KCNIP4: variants seen among roughly 807,000 people sequenced by gnomAD.
KCNIP4 encodes Kv channel-interacting protein 4.
KCNIP4 carries 12 observed loss-of-function variants against 34.0 expected under a neutral mutation model. That is an observed-to-expected ratio of 0.35 (90% CI 0.23 to 0.57). The LOEUF is 0.57. Among genes scored for constraint, KCNIP4 ranks in the 20% least tolerant of loss-of-function variants. The pLI is 0.83. For synonymous variants in KCNIP4, 124 were observed against 102.2 expected (o/e 1.21, Z -1.29); for missense variants, 238 against 311.7 (o/e 0.76, Z 1.78).
intron 1 of KCNIP4, among the ~76,000 whole-genome samples, chr4:21,203,618 C>G (rs1408339995): frequency 6.6e-6 from 1 of 152,164 alleles, no homozygotes; most frequent in Non-Finnish European, 1.5e-5. Flanking sequence ...AAGGAATTGC[C>G]CTGTTCTTGC....
intron 1 of KCNIP4, chr4:21,656,542 T>G (rs1747955091): frequency 6.6e-6 from 1 of 152,242 alleles, no homozygotes; most frequent in Non-Finnish European, 1.5e-5. Context: ...CTGTAGATTT[T>G]TGAAAGTGGT....
chr4:21,329,311 AC>A (rs1445429266), intron 1 of KCNIP4, among the ~76,000 whole-genome samples: 1 of 152,214 alleles, frequency 6.6e-6, no homozygotes, highest in Non-Finnish European at 1.5e-5. Flanking sequence ...CAGTTTCCAT[AC>A]TTATTGAACT....
At chr4:21,237,912 C>G (rs1205661115) in intron 1 of KCNIP4, among the ~76,000 whole-genome samples, 1 of 152,106 alleles carries the variant, frequency 6.6e-6, no homozygotes, top group Admixed American at 6.5e-5. Context: ...CAAAGCCTGG[C>G]AGAGATACAA....
At chr4:21,434,666 C>T (rs1235316711) in intron 1 of KCNIP4, among the ~76,000 whole-genome samples, 1 of 151,864 alleles carries the variant, frequency 6.6e-6, no homozygotes, top group South Asian at 2.1e-4. Flanking sequence ...CTGTGCCATG[C>T]CGGGGATCTA....
At chr4:21,256,726 G>A (rs1029932457) in intron 1 of KCNIP4, among the ~76,000 whole-genome samples, 1 of 152,206 alleles carries the variant, frequency 6.6e-6, no homozygotes, top group Non-Finnish European at 1.5e-5. Flanking sequence ...GGAGAATGTG[G>A]TAATCCAACA....
intron 1 of KCNIP4, chr4:21,697,390 G>A: frequency 6.4e-7 from 1 of 1,556,222 alleles, no homozygotes; most frequent in Non-Finnish European, 8.6e-7. Context: ...GAAGGTACTG[G>A]GCAAATTTCA....
At chr4:21,633,328 A>C (rs1221940377) in intron 1 of KCNIP4, among the ~76,000 whole-genome samples, 1 of 152,114 alleles carries the variant, frequency 6.6e-6, no homozygotes, top group Non-Finnish European at 1.5e-5. Context: ...CCAGTCTTCA[A>C]TTCCATTGGA....
intron 1 of KCNIP4, among the ~76,000 whole-genome samples, chr4:21,419,114 T>A (rs1329081636): frequency 6.6e-6 from 1 of 152,220 alleles, no homozygotes; most frequent in East Asian, 1.9e-4. Flanking sequence ...TGCATCCTTC[T>A]GCTGCAGTTG....
chr4:20,867,351 A>T (rs1228783971), intron 2 of KCNIP4, among the ~76,000 whole-genome samples: 3 of 152,138 alleles, frequency 2.0e-5, no homozygotes, highest in African/African-American at 7.2e-5. Context: ...AACAGAATAG[A>T]AAACCCAGAA....
At position 20,734,705 on chromosome 4, in the gene KCNIP4, G is replaced by T; in HGVS notation, c.460C>A (p.Arg154=). The T allele has an allele frequency of 1.3e-6, 2 of 1,586,416 alleles. No individual in the cohort carries two copies. The highest frequency in any genetic ancestry group is 1.7e-6 in the Non-Finnish European group (2 of 1,166,638). Residue 154 remains arginine, a synonymous_variant, in exon 6 of 9, where the codon CGG becomes AGG. Transcript: ENST00000382152. ...TTGAGTTTTTCTTGTACTGTCCCCC[G>T]GAGCAAAATGGAAAGACCTTTGATG... The part of the protein sequence containing the change: ...DFIKGLSILL[R]GTVQEKLNWA...
chr4:21,749,652 T>C (rs774757138), intron 1 of KCNIP4, among the ~76,000 whole-genome samples: 26 of 152,264 alleles, frequency 1.7e-4, no homozygotes, highest in Non-Finnish European at 3.1e-4. Context: ...CTTGGACCTG[T>C]GCTTACCCTA....
chr4:21,896,430 A>C (rs189477128), intron 1 of KCNIP4, among the ~76,000 whole-genome samples: 13 of 152,288 alleles, frequency 8.5e-5, no homozygotes, highest in African/African-American at 3.1e-4. Flanking sequence ...TTGTGTTTGC[A>C]ACGAAGCTGG....
intron 1 of KCNIP4, among the ~76,000 whole-genome samples, chr4:20,905,613 G>T (rs1297032690): frequency 6.9e-6 from 1 of 144,586 alleles, no homozygotes; most frequent in Non-Finnish European, 1.5e-5. Context: ...CCAGTGTCAA[G>T]TGATTCTCCT....
intron 1 of KCNIP4, among the ~76,000 whole-genome samples, chr4:21,342,309 C>T (rs1716835512): frequency 6.6e-6 from 1 of 152,050 alleles, no homozygotes; most frequent in African/African-American, 2.4e-5. Flanking sequence ...GATTCATCCC[C>T]TAGGGGTAAA....
At chr4:21,282,013 A>C (rs1578014671) in intron 1 of KCNIP4, among the ~76,000 whole-genome samples, 1 of 152,216 alleles carries the variant, frequency 6.6e-6, no homozygotes, top group Admixed American at 6.5e-5. Context: ...CTTCTAGAAT[A>C]GAGTGGTGGA....
chr4:20,765,429 T>C (rs1458775240), intron 3 of KCNIP4, among the ~76,000 whole-genome samples: 2 of 152,176 alleles, frequency 1.3e-5, no homozygotes, highest in African/African-American at 4.8e-5. Flanking sequence ...TCAATCAAAA[T>C]TGGGATCACC....
chr4:21,382,189 C>T (rs1721570171), intron 1 of KCNIP4, among the ~76,000 whole-genome samples: 1 of 152,160 alleles, frequency 6.6e-6, no homozygotes, highest in Admixed American at 6.5e-5. Flanking sequence ...GAAAACTCTG[C>T]CATGGACAGA....
chr4:20,848,597 C>A (rs368730866), intron 3 of KCNIP4, among the ~76,000 whole-genome samples: 9 of 152,158 alleles, frequency 5.9e-5, no homozygotes, highest in African/African-American at 1.9e-4. Flanking sequence ...GATGCTGGCT[C>A]CAAAGATTAA....
At position 21,924,243 on chromosome 4, in the gene KCNIP4, C is replaced by CTT. The variant is rs67541105; in HGVS notation, c.61+24326_61+24327dup. Among the ~76,000 whole-genome samples the CTT allele has an allele frequency of 1.3e-3, 143 of 107,526 alleles. 1 individual carries two copies. The highest frequency in any genetic ancestry group is 9.3e-3 in the East Asian group (39 of 4,214). 70.5% of individuals were successfully genotyped at this position (107,526 alleles called of 152,430 possible). A position where few individuals can be genotyped will look rare whatever the true frequency, so the allele number is the denominator to read the frequency against. On this transcript the variant is annotated intron_variant, in intron 1 of 8. Transcript: ENST00000382152. ...ACAATTTCTATTAATGAATATATTT[C>CTT]TTTTTTTTTTTTTTTTTTGAGACGG...
Sources: allele counts gnomAD v4.1 joint callset (sites outside exome capture counted in the v4.1 genomes callset), GRCh38; gene constraint gnomAD v4.1.1; transcripts MANE v1.5; gene names NCBI Gene and HGNC (gene_info 2026-07-23, HGNC 2026-07-21).